The following CCDC91 variants were observed in gnomAD, a reference collection of about 807,000 sequenced individuals.
CCDC91 encodes coiled-coil domain containing 91, also known as coiled-coil domain-containing protein 91.
In CCDC91, 48 loss-of-function variants were observed where a neutral mutation model predicts 63.2. That is an observed-to-expected ratio of 0.76 (90% CI 0.60 to 0.97). CCDC91 has a LOEUF of 0.97. Among genes scored for constraint, CCDC91 ranks in the 50% least tolerant of loss-of-function variants. CCDC91 has a pLI of 0.00. For synonymous variants in CCDC91, 167 were observed against 165.8 expected, an observed-to-expected ratio of 1.01 and a Z score of -0.06; for missense variants, 500 against 494.6, an observed-to-expected ratio of 1.01 and a Z score of -0.10.
chr12:28,204,766 C>T (rs1401270503), intron 1 of CCDC91, among the ~76,000 whole-genome samples: 1 of 152,114 alleles, frequency 6.6e-6, no homozygotes, highest in Non-Finnish European at 1.5e-5. Flanking sequence ...CAGAGTTGCT[C>T]AAGGTGAAGA....
chr12:28,396,115 A>G (rs1216984271), intron 8 of CCDC91, among the ~76,000 whole-genome samples: 1 of 152,352 alleles, frequency 6.6e-6, no homozygotes, highest in African/African-American at 2.4e-5. Flanking sequence ...CCATAGTATT[A>G]GGTGAAGGAA....
chr12:28,375,080 C>T (rs1206949808), intron 7 of CCDC91, among the ~76,000 whole-genome samples: 4 of 151,624 alleles, frequency 2.6e-5, no homozygotes, highest in Non-Finnish European at 5.9e-5. Flanking sequence ...TCAGACAGAC[C>T]TGGATCAGAG....
chr12:28,208,487 G>GT (rs1272917827), intron 1 of CCDC91, among the ~76,000 whole-genome samples: 6 of 152,062 alleles, frequency 3.9e-5, no homozygotes, highest in Non-Finnish European at 4.4e-5. Flanking sequence ...AAATAATCCT[G>GT]TTTACCTGTC....
chr12:28,301,519 C>A (rs1244915792), intron 3 of CCDC91, among the ~76,000 whole-genome samples: 1 of 151,224 alleles, frequency 6.6e-6, no homozygotes, highest in Non-Finnish European at 1.5e-5. Flanking sequence ...ATCTGAAAAT[C>A]TTGAATTTTT....
chr12:28,190,755 C>G (rs1256930333), intron 1 of CCDC91, 114 bp downstream of exon 1: 4 of 152,244 alleles, frequency 2.6e-5, no homozygotes, highest in African/African-American at 2.4e-5. Flanking sequence ...GCCTGCAGCC[C>G]GCCTGCTGCG....
intron 8 of CCDC91, among the ~76,000 whole-genome samples, chr12:28,406,448 T>G (rs1484546455): frequency 6.6e-6 from 1 of 152,166 alleles, no homozygotes; most frequent in Non-Finnish European, 1.5e-5. Flanking sequence ...ATGTAAAATG[T>G]GTTTTCACAA....
intron 11 of CCDC91, among the ~76,000 whole-genome samples, chr12:28,465,096 G>A (rs1010239327): frequency 2.0e-5 from 3 of 152,194 alleles, no homozygotes; most frequent in Non-Finnish European, 4.4e-5. Flanking sequence ...GGCCTGAGGT[G>A]CAGTAGCCAT....
chr12:28,269,227 G>GT (rs1269310208), intron 3 of CCDC91, among the ~76,000 whole-genome samples: 1 of 151,900 alleles, frequency 6.6e-6, no homozygotes, highest in African/African-American at 2.4e-5. Flanking sequence ...TTCTTAAACG[G>GT]TGTCTCTAAT....
intron 8 of CCDC91, among the ~76,000 whole-genome samples, chr12:28,407,070 T>G (rs1291523653): frequency 6.6e-6 from 1 of 152,148 alleles, no homozygotes; most frequent in Non-Finnish European, 1.5e-5. Context: ...AAGAAGTGAT[T>G]GTTTAAACGT....
chr12:28,438,617 A>T (rs1592675807), intron 8 of CCDC91, among the ~76,000 whole-genome samples: 1 of 152,282 alleles, frequency 6.6e-6, no homozygotes, highest in Non-Finnish European at 1.5e-5. Context: ...GGCAACTGTT[A>T]GGTTGAAATA....
chr12:28,290,416 C>T (rs1350586286), intron 3 of CCDC91, among the ~76,000 whole-genome samples: 2 of 152,078 alleles, frequency 1.3e-5, no homozygotes, highest in African/African-American at 2.4e-5. Flanking sequence ...TGAGATGGGT[C>T]TCTTGAAGGC....
chr12:28,312,900 A>AG (rs771258455), intron 6 of CCDC91, among the ~76,000 whole-genome samples: 21 of 152,074 alleles, frequency 1.4e-4, no homozygotes, highest in Non-Finnish European at 2.5e-4. Flanking sequence ...AGGCCTCCTC[A>AG]GCCAAGTGGA....
chr12:28,528,323 G>T (rs1272774997), intron 12 of CCDC91, among the ~76,000 whole-genome samples: 1 of 152,140 alleles, frequency 6.6e-6, no homozygotes, highest in East Asian at 1.9e-4. Flanking sequence ...CTCTACCTCT[G>T]TATTTCCCTT....
At chr12:28,205,603 A>T (rs1942785497) in intron 1 of CCDC91, among the ~76,000 whole-genome samples, 1 of 152,186 alleles carries the variant, frequency 6.6e-6, no homozygotes, top group Non-Finnish European at 1.5e-5. Context: ...GAAGTTTTGT[A>T]GACAAAAAAG....
At chr12:28,413,696 A>T (rs1947463938) in intron 8 of CCDC91, among the ~76,000 whole-genome samples, 1 of 152,170 alleles carries the variant, frequency 6.6e-6, no homozygotes, top group Admixed American at 6.5e-5. Context: ...TCCCACAGGG[A>T]ACCTTTTCCA....
chr12:28,486,612 T>G (rs1461359111), intron 12 of CCDC91, among the ~76,000 whole-genome samples: 1 of 152,088 alleles, frequency 6.6e-6, no homozygotes, highest in Non-Finnish European at 1.5e-5. Context: ...CCATAAGAAG[T>G]GCCTATAATA....
chr12:28,337,807 T>A (rs1942102177), intron 6 of CCDC91, among the ~76,000 whole-genome samples: 1 of 152,150 alleles, frequency 6.6e-6, no homozygotes, highest in Non-Finnish European at 1.5e-5. Flanking sequence ...TTTTCTTAAC[T>A]CTCTATTCCC....
chr12:28,427,507 C>T (rs763696326), intron 8 of CCDC91, among the ~76,000 whole-genome samples: 10 of 152,042 alleles, frequency 6.6e-5, no homozygotes, highest in African/African-American at 1.7e-4. Flanking sequence ...TCACCACCAT[C>T]GCAAAGCCTT....
intron 7 of CCDC91, among the ~76,000 whole-genome samples, chr12:28,387,677 A>G (rs1318730053): frequency 6.6e-6 from 1 of 152,186 alleles, no homozygotes; most frequent in African/African-American, 2.4e-5. Flanking sequence ...ACTTAGAACA[A>G]TAGTCTTCAG....
Sources: allele counts gnomAD v4.1 joint callset (sites outside exome capture counted in the v4.1 genomes callset), GRCh38; gene constraint gnomAD v4.1.1; transcripts MANE v1.5; gene names NCBI Gene and HGNC (gene_info 2026-07-23, HGNC 2026-07-21).